The following ZBBX variants were observed in gnomAD, a reference collection of about 807,000 sequenced individuals.
ZBBX encodes zinc finger B-box domain containing, also known as zinc finger B-box domain-containing protein 1.
A neutral mutation model predicts 108.5 loss-of-function variants in ZBBX; 101 were observed. That is an observed-to-expected ratio of 0.93 (90% CI 0.79 to 1.10). The LOEUF is 1.10. Among genes scored for constraint, ZBBX ranks in the 50% least tolerant of loss-of-function variants. ZBBX has a pLI of 0.00. For missense variants in ZBBX, 1,009 were observed against 941.4 expected (o/e 1.07, Z -0.94); for synonymous variants, 356 against 323.4 (o/e 1.10, Z -1.08).
At chr3:167,395,687 A>G (rs1748213203) in intron 1 of ZBBX, among the ~76,000 whole-genome samples, 1 of 152,030 alleles carries the variant, frequency 6.6e-6, no homozygotes, top group Non-Finnish European at 1.5e-5. Flanking sequence ...CTTCCAAGTC[A>G]CTATCAAAAG....
At chr3:167,280,261 A>G (rs2069267585) in intron 20 of ZBBX, among the ~76,000 whole-genome samples, 1 of 149,372 alleles carries the variant, frequency 6.7e-6, no homozygotes, top group African/African-American at 2.6e-5. Flanking sequence ...ATCTAATTAA[A>G]GTAAACAGCT....
intron 8 of ZBBX, among the ~76,000 whole-genome samples, chr3:167,358,362 T>C (rs1743934952): frequency 1.3e-5 from 2 of 151,434 alleles, no homozygotes; most frequent in Admixed American, 1.3e-4. Context: ...TACTATTTAC[T>C]AGGGGATGGG....
chr3:167,260,298 T>A (rs1352547760), intron 20 of ZBBX, among the ~76,000 whole-genome samples: 1 of 152,190 alleles, frequency 6.6e-6, no homozygotes, highest in Non-Finnish European at 1.5e-5. Flanking sequence ...GATAACCTCA[T>A]GGAAATGTAC....
chr3:167,260,559 G>C (rs1724320687), intron 20 of ZBBX, among the ~76,000 whole-genome samples: 1 of 152,074 alleles, frequency 6.6e-6, no homozygotes, highest in African/African-American at 2.4e-5. Context: ...TTGTTGGATT[G>C]GGTTAATTTA....
chr3:167,287,264 T>C (rs1729873805), intron 19 of ZBBX, among the ~76,000 whole-genome samples: 1 of 152,162 alleles, frequency 6.6e-6, no homozygotes, highest in African/African-American at 2.4e-5. Flanking sequence ...ACACATTTTA[T>C]ATATATCAAA....
intron 8 of ZBBX, among the ~76,000 whole-genome samples, chr3:167,357,355 C>T (rs1743751031): frequency 6.6e-6 from 1 of 152,086 alleles, no homozygotes; most frequent in South Asian, 2.1e-4. Flanking sequence ...ATTCCTAATA[C>T]ATTAAGAACT....
rs147380270 is a variant in ZBBX, at chr3:167,371,392, C to CCCAA, written c.68+1441_68+1442insTTGG. Among the ~76,000 whole-genome samples, 453 of 152,296 alleles carry CCCAA rather than the reference C, an allele frequency of 3.0e-3. 1 individual carries two copies. The highest frequency in any genetic ancestry group is 9.7e-3 in the African/African-American group (403 of 41,570). On this transcript the variant is annotated intron_variant, in intron 4 of 21. Transcript: ENST00000675490. Reference sequence around the variant, plus strand: ...AACTAACTGCATCTCTCACTCAGAACTTGGGTACCTCCTCACTCCTGCTCT... The same window carrying CCCAA: ...AACTAACTGCATCTCTCACTCAGAACCCAATTGGGTACCTCCTCACTCCTGCTCT...
chr3:167,320,110 C>A (rs1442221265), intron 12 of ZBBX, among the ~76,000 whole-genome samples: 1 of 151,484 alleles, frequency 6.6e-6, no homozygotes, highest in African/African-American at 2.4e-5. Context: ...CACCTAGAGT[C>A]CAGATCTTTG....
At chr3:167,335,103 A>G (rs2108410958) in intron 9 of ZBBX, among the ~76,000 whole-genome samples, 1 of 152,132 alleles carries the variant, frequency 6.6e-6, no homozygotes, top group Non-Finnish European at 1.5e-5. Context: ...TACCCTCTTA[A>G]TATCCTGCGT....
chr3:167,219,262 A>C, the ZBBX span, among the ~76,000 whole-genome samples: 1 of 152,060 alleles, frequency 6.6e-6, no homozygotes, highest in Non-Finnish European at 1.5e-5. Flanking sequence ...CTTAATCTGC[A>C]TTATACACCA....
At chr3:167,398,076 A>AG (rs1276998658) in intron 1 of ZBBX, among the ~76,000 whole-genome samples, 2 of 151,934 alleles carry the variant, frequency 1.3e-5, no homozygotes, top group African/African-American at 4.8e-5. Flanking sequence ...CTACAAGATG[A>AG]GAAAAAAAAA....
chr3:167,191,934 T>TATATAGAG, the ZBBX span, among the ~76,000 whole-genome samples: 21 of 130,210 alleles, frequency 1.6e-4, no homozygotes, highest in Non-Finnish European at 2.2e-4. Context: ...TATATATATA[T>TATATAGAG]AGAGCAAGTT....
chr3:167,184,332 C>T, the ZBBX span, among the ~76,000 whole-genome samples: 1 of 152,130 alleles, frequency 6.6e-6, no homozygotes, highest in Non-Finnish European at 1.5e-5. Flanking sequence ...ATGTTATGCA[C>T]TATCCAGGCT....
intron 20 of ZBBX, among the ~76,000 whole-genome samples, chr3:167,251,582 A>C (rs1722615221): frequency 6.6e-6 from 1 of 152,070 alleles, no homozygotes; most frequent in Non-Finnish European, 1.5e-5. Context: ...AGCACTACCT[A>C]TTGGTTTCTT....
intron 15 of ZBBX, among the ~76,000 whole-genome samples, chr3:167,315,295 C>A (rs1038967257): frequency 6.6e-6 from 1 of 152,102 alleles, no homozygotes; most frequent in Non-Finnish European, 1.5e-5. Flanking sequence ...CTTTATTATA[C>A]GTTAAAATCT....
intron 20 of ZBBX, among the ~76,000 whole-genome samples, chr3:167,276,237 T>C (rs1727550103): frequency 6.6e-6 from 1 of 152,234 alleles, no homozygotes; most frequent in South Asian, 2.1e-4. Flanking sequence ...CAAAGCTGGA[T>C]GGAGAATGAC....
intron 20 of ZBBX, chr3:167,248,541 G>A: frequency 2.3e-6 from 1 of 435,004 alleles, no homozygotes; most frequent in Non-Finnish European, 4.7e-6. Flanking sequence ...CCTGCTGACT[G>A]ATAACTGCAA....
chr3:167,218,240 G>T, the ZBBX span, among the ~76,000 whole-genome samples: 1 of 151,956 alleles, frequency 6.6e-6, no homozygotes, highest in East Asian at 1.9e-4. Flanking sequence ...ACCTTCACAT[G>T]AACTCCCAAA....
At chr3:167,361,363 T>A (rs1744477560) in intron 6 of ZBBX, among the ~76,000 whole-genome samples, 2 of 152,180 alleles carry the variant, frequency 1.3e-5, no homozygotes, top group South Asian at 4.1e-4. Context: ...CTCTTGCCAA[T>A]TGAACATGCT....
Sources: gnomAD v4.1 joint callset for allele counts (sites outside exome capture counted in the v4.1 genomes callset) on GRCh38, gnomAD v4.1.1 for gene constraint, MANE v1.5 for transcripts, NCBI Gene and HGNC (gene_info 2026-07-23, HGNC 2026-07-21) for gene names.